Variants in RUFY2 observed in about 807,000 individuals in gnomAD.
RUFY2 encodes RUN and FYVE domain containing 2, also known as RUN and FYVE domain-containing protein 2.
RUFY2 carries 49 observed loss-of-function variants against 94.4 expected under a neutral mutation model. The observed-to-expected ratio is 0.52, with a 90% CI of 0.41 to 0.66. The LOEUF (loss-of-function observed/expected upper bound fraction) is 0.66. RUFY2 is among the 30% of genes least tolerant of loss of function. The pLI, the probability that RUFY2 is intolerant of heterozygous loss-of-function variation, is 0.00. For missense variants in RUFY2, 541 were observed against 692.8 expected (o/e 0.78, Z 2.46); for synonymous variants, 255 against 235.7 (o/e 1.08, Z -0.75).
chr10:68,378,914 C>T (rs556942934), intron 12 of RUFY2, among the ~76,000 whole-genome samples: 1 of 152,174 alleles, frequency 6.6e-6, no homozygotes, highest in Admixed American at 6.6e-5. Context: ...CATTTTCCAA[C>T]AATAAAAGTG....
chr10:68,399,622 A>G (rs776759722), intron 3 of RUFY2, among the ~76,000 whole-genome samples: 1 of 152,256 alleles, frequency 6.6e-6, no homozygotes, highest in Non-Finnish European at 1.5e-5. Context: ...ACAGCAAAAC[A>G]CTACCATATT....
intron 7 of RUFY2, among the ~76,000 whole-genome samples, chr10:68,386,747 A>G (rs2049532328): frequency 6.6e-6 from 1 of 152,252 alleles, no homozygotes; most frequent in Admixed American, 6.5e-5. Flanking sequence ...TATTGTTAAA[A>G]TTATATTTAA....
At chr10:68,406,790 C>A in intron 1 of RUFY2, 2 of 1,612,618 alleles carry the variant, frequency 1.2e-6, no homozygotes, top group Non-Finnish European at 8.5e-7. Flanking sequence ...CGTCTCCCGC[C>A]CTCGGCGTCA....
rs1325560668 is a variant in RUFY2, at chr10:68,345,076, A to G, written c.*692T>C. On this transcript the variant is annotated 3_prime_UTR_variant, in exon 18 of 18. Transcript: ENST00000602465. ...CATATGGGAAGATTTATAAATCAGG[A>G]AAAGAAAGATGGTTATATGTAACTT... The G allele has an allele frequency of 6.6e-6, 1 of 152,272 alleles. No homozygotes were observed. Among genetic ancestry groups the G allele is most frequent in the Non-Finnish European group, 1.5e-5 (1 of 68,084 alleles). 9.4% of individuals were successfully genotyped at this position (152,272 alleles called of 1,614,324 possible). A position where few individuals can be genotyped will look rare whatever the true frequency, so the allele number is the denominator to read the frequency against.
At chr10:68,357,591 C>T (rs957135872) in intron 15 of RUFY2, among the ~76,000 whole-genome samples, 1 of 151,900 alleles carries the variant, frequency 6.6e-6, no homozygotes, top group African/African-American at 2.4e-5. Flanking sequence ...AATGAAAATG[C>T]AAATTATAAA....
intron 6 of RUFY2, among the ~76,000 whole-genome samples, chr10:68,393,419 T>A (rs1185883654): frequency 6.6e-6 from 1 of 152,140 alleles, no homozygotes; most frequent in Non-Finnish European, 1.5e-5. Context: ...ATACCATTAG[T>A]GTATTTTTAA....
At chr10:68,384,355 T>C (rs1398998489) in intron 8 of RUFY2, among the ~76,000 whole-genome samples, 1 of 152,214 alleles carries the variant, frequency 6.6e-6, no homozygotes, top group Non-Finnish European at 1.5e-5. Flanking sequence ...CTTATTTCCT[T>C]TTGAATTATT....
At chr10:68,372,706 A>G (rs1223463464) in intron 13 of RUFY2, among the ~76,000 whole-genome samples, 20 of 152,010 alleles carry the variant, frequency 1.3e-4, no homozygotes, top group Admixed American at 1.3e-3. Flanking sequence ...TCTGGGCAAC[A>G]TGAAGAAACC....
At chr10:68,363,899 T>C (rs2047632251) in intron 14 of RUFY2, 85 bp downstream of exon 14, 2 of 1,118,484 alleles carry the variant, frequency 1.8e-6, no homozygotes, top group Non-Finnish European at 2.5e-6. Flanking sequence ...ATCCATTTCC[T>C]TGGTATAATG....
intron 11 of RUFY2, among the ~76,000 whole-genome samples, chr10:68,380,884 T>A (rs1323849947): frequency 1.3e-5 from 2 of 151,866 alleles, no homozygotes; most frequent in Non-Finnish European, 2.9e-5. Flanking sequence ...AGAAAGAAAA[T>A]TTACTATTTT....
intron 8 of RUFY2, among the ~76,000 whole-genome samples, chr10:68,385,443 A>T (rs1488077441): frequency 6.6e-6 from 1 of 152,184 alleles, no homozygotes; most frequent in Non-Finnish European, 1.5e-5. Flanking sequence ...ATAAATTTGC[A>T]AGAAAACAGA....
chr10:68,352,460 G>A (rs1002491411), intron 16 of RUFY2, among the ~76,000 whole-genome samples: 3 of 152,186 alleles, frequency 2.0e-5, no homozygotes, highest in South Asian at 4.1e-4. Flanking sequence ...GAACAAACAT[G>A]AGCAGGAGAG....
Position 68,344,889 on chromosome 10 carries a change from G to A in RUFY2, c.*879C>T, listed in dbSNP as rs2046189253. 1 of 152,094 alleles carries A rather than the reference G, an allele frequency of 6.6e-6. No individual in the cohort carries two copies. The highest frequency in any genetic ancestry group is 6.6e-5 in the Admixed American group (1 of 15,256). The allele number at this position is 152,094 out of a possible 1,614,324, so 9.4% of individuals were successfully genotyped here. On this transcript the variant is annotated 3_prime_UTR_variant, in exon 18 of 18. Transcript: ENST00000602465. ...TAATACATTACCAAAGCAAAGTCCT[G>A]ATTTTTTTCTCACTTTTAATGCTTA...
At chr10:68,346,161 T>C in intron 16 of RUFY2, 77 bp from the exon 17 acceptor site, 1 of 1,044,606 alleles carries the variant, frequency 9.6e-7, no homozygotes, top group African/African-American at 1.6e-5. Context: ...CCCAAGAACA[T>C]TATTTATAGG....
chr10:68,361,287 A>G (rs192941593), intron 15 of RUFY2, among the ~76,000 whole-genome samples: 7 of 152,178 alleles, frequency 4.6e-5, no homozygotes. Context: ...CTCAAAGAGA[A>G]AAAAAAAGTA....
At chr10:68,383,141 A>G (rs2049208681) in intron 10 of RUFY2, among the ~76,000 whole-genome samples, 1 of 152,142 alleles carries the variant, frequency 6.6e-6, no homozygotes, top group East Asian at 1.9e-4. Context: ...CCTGGCCAAC[A>G]CGGCAAAGCC....
At chr10:68,363,901 G>A in intron 14 of RUFY2, 83 bp downstream of exon 14, 2 of 1,111,400 alleles carry the variant, frequency 1.8e-6, no homozygotes, top group Non-Finnish European at 2.5e-6. Context: ...CCATTTCCTT[G>A]GTATAATGTA....
intron 1 of RUFY2, chr10:68,405,633 T>G: frequency 2.3e-6 from 2 of 860,008 alleles, no homozygotes; most frequent in Non-Finnish European, 1.4e-6. Context: ...AGGATTCCAG[T>G]GTCATCCACA....
At chr10:68,376,559 C>T (rs2048694570) in intron 13 of RUFY2, among the ~76,000 whole-genome samples, 1 of 136,362 alleles carries the variant, frequency 7.3e-6, no homozygotes. Context: ...TACTCAGCAC[C>T]TAGAAACATA....
Sources: gnomAD v4.1 joint callset for allele counts (sites outside exome capture counted in the v4.1 genomes callset) on GRCh38, gnomAD v4.1.1 for gene constraint, MANE v1.5 for transcripts, NCBI Gene and HGNC (gene_info 2026-07-23, HGNC 2026-07-21) for gene names.